Variants in PREX2 observed in about 807,000 individuals in gnomAD.
PREX2 encodes phosphatidylinositol 3,4,5-trisphosphate-dependent Rac exchanger 2 protein.
In PREX2, 107 loss-of-function variants were observed where a neutral mutation model predicts 203.2. The ratio of observed to expected loss-of-function variants is 0.53; its 90% CI spans 0.45 to 0.62. The LOEUF is 0.62. PREX2 is among the 20% of genes least tolerant of loss of function. The pLI, the probability that PREX2 is intolerant of heterozygous loss-of-function variation, is 0.00. For synonymous variants in PREX2, 672 were observed against 663.6 expected (o/e 1.01, Z -0.19); for missense variants, 1,777 against 1,955.9 (o/e 0.91, Z 1.72).
intron 1 of PREX2, among the ~76,000 whole-genome samples, chr8:67,986,598 T>C (rs1806434044): frequency 1.3e-5 from 2 of 152,232 alleles, no homozygotes; most frequent in African/African-American, 4.8e-5. Context: ...GTTTAAGTCA[T>C]AGATTTACAT....
At chr8:68,122,856 A>G (rs1055299958) in intron 30 of PREX2, among the ~76,000 whole-genome samples, 10 of 151,878 alleles carry the variant, frequency 6.6e-5, no homozygotes, top group African/African-American at 1.9e-4. Flanking sequence ...TGATTGTGTT[A>G]TTGTCTGAGA....
At chr8:68,217,829 C>A in intron 38 of PREX2, 111 bp downstream of exon 38, 1 of 645,536 alleles carries the variant, frequency 1.5e-6, no homozygotes, top group Non-Finnish European at 2.4e-6. Context: ...GGACAGTTTA[C>A]TAGGCTCAGA....
chr8:68,068,831 A>G (rs1386006907), intron 11 of PREX2, among the ~76,000 whole-genome samples: 2 of 116,662 alleles, frequency 1.7e-5, no homozygotes, highest in Admixed American at 8.4e-5. Flanking sequence ...TTATATGGAA[A>G]CTGTAATATT....
chr8:68,174,953 G>T (rs557610285), intron 35 of PREX2, among the ~76,000 whole-genome samples: 1 of 152,180 alleles, frequency 6.6e-6, no homozygotes, highest in African/African-American at 2.4e-5. Context: ...GTATGCAAGC[G>T]CAGGAATGTG....
intron 35 of PREX2, among the ~76,000 whole-genome samples, chr8:68,179,320 G>A (rs1008628914): frequency 5.9e-5 from 9 of 152,142 alleles, no homozygotes; most frequent in Admixed American, 2.6e-4. Flanking sequence ...CAATGAGCTA[G>A]GGGACATAGG....
intron 1 of PREX2, among the ~76,000 whole-genome samples, chr8:68,002,063 T>C (rs1585694819): frequency 1.3e-5 from 2 of 149,476 alleles, no homozygotes; most frequent in South Asian, 2.2e-4. Flanking sequence ...AACCTGCATA[T>C]GTACCCTTGA....
intron 35 of PREX2, among the ~76,000 whole-genome samples, chr8:68,162,864 C>T (rs1186508611): frequency 6.6e-6 from 1 of 152,150 alleles, no homozygotes; most frequent in Non-Finnish European, 1.5e-5. Flanking sequence ...GACATAAGCT[C>T]ACAGACAAAT....
At chr8:67,958,861 C>T (rs748554493) in intron 1 of PREX2, among the ~76,000 whole-genome samples, 71 of 152,082 alleles carry the variant, frequency 4.7e-4, no homozygotes, top group Non-Finnish European at 5.9e-4. Flanking sequence ...GGGGACAGAA[C>T]AGCACTAGGA....
rs764986560 is a variant in PREX2, at chr8:68,192,371, C to T, written c.4450C>T (p.Arg1484Ter). Residue 1484 changes from arginine (R) to a stop codon, truncating the protein, a stop_gained, in exon 37 of 40, where the codon CGA becomes TGA. Coordinates refer to ENST00000288368, the MANE Select transcript of PREX2 (RefSeq NM_024870.4). LOFTEE classifies it high-confidence loss of function. Reference sequence around the variant, plus strand: ...TCTCAACGCTTTGGATGAACTTTACCGACTGGTAGCCTCGTTTATCAGATC... The same window carrying T: ...TCTCAACGCTTTGGATGAACTTTACTGACTGGTAGCCTCGTTTATCAGATC... ...RPLNALDELY[R>*]LVASFIRSKR... The T allele has an allele frequency of 6.2e-6, 10 of 1,610,104 alleles. No homozygotes were observed. The highest frequency in any genetic ancestry group is 1.3e-5 in the African/African-American group (1 of 74,838).
intron 4 of PREX2, among the ~76,000 whole-genome samples, chr8:68,026,460 G>A (rs1361136918): frequency 6.6e-6 from 1 of 152,082 alleles, no homozygotes; most frequent in Non-Finnish European, 1.5e-5. Context: ...GCAGAAAGAA[G>A]GTTTGGGCAA....
intron 30 of PREX2, 36 bp from the exon 31 acceptor site, chr8:68,127,342 G>T (rs975817512): frequency 1.6e-5 from 24 of 1,521,454 alleles, no homozygotes; most frequent in Non-Finnish European, 2.1e-5. Context: ...GACAGAAAGA[G>T]TGAACAATTA....
chr8:68,041,131 A>G (rs931575515), intron 7 of PREX2, among the ~76,000 whole-genome samples: 13 of 152,118 alleles, frequency 8.5e-5, no homozygotes, highest in African/African-American at 2.9e-4. Context: ...AATGGTACCA[A>G]TGGGTTCATT....
intron 35 of PREX2, among the ~76,000 whole-genome samples, chr8:68,182,665 G>T (rs117770396): frequency 1.2e-4 from 18 of 151,924 alleles, no homozygotes; most frequent in Non-Finnish European, 2.1e-4. Flanking sequence ...TAGCTCTCAT[G>T]AAATAAAGTT....
At chr8:68,025,229 TA>T (rs1156255255) in intron 4 of PREX2, among the ~76,000 whole-genome samples, 1 of 151,976 alleles carries the variant, frequency 6.6e-6, no homozygotes, top group Non-Finnish European at 1.5e-5. Context: ...CGAATGTCTT[TA>T]TTTTGCCTTC....
intron 17 of PREX2, chr8:68,082,418 A>G (rs61356957): frequency 0.53 from 81,148 of 152,112 alleles, 21,651 homozygotes; most frequent in South Asian, 0.56. Flanking sequence ...AGCTTTCTGT[A>G]CAGCACACTA....
At position 68,053,085 on chromosome 8, in the gene PREX2, A is replaced by G. The variant is rs889983989; in HGVS notation, c.944-12A>G. On this transcript the variant is annotated splice_polypyrimidine_tract_variant and intron_variant, in intron 8 of 39. Transcript: ENST00000288368. Reference sequence around the variant, plus strand: ...ACATTTTGTTCATTTGCCTTTACCCATTAATTTACAGCTGATTTCCATAGC... The same window carrying G: ...ACATTTTGTTCATTTGCCTTTACCCGTTAATTTACAGCTGATTTCCATAGC... 1.2e-5 allele frequency: 20 copies of G among 1,609,634 alleles called. No homozygotes were observed. The highest frequency in any genetic ancestry group is 3.4e-5 in the Admixed American group (2 of 59,662).
chr8:68,068,878 A>G (rs1809100467), intron 11 of PREX2, among the ~76,000 whole-genome samples, 155 bp from the exon 12 acceptor site: 1 of 152,096 alleles, frequency 6.6e-6, no homozygotes, highest in African/African-American at 2.4e-5. Flanking sequence ...TGCTGTTAAA[A>G]TACTCAATTG....
At chr8:67,996,576 C>G (rs1406419431) in intron 1 of PREX2, among the ~76,000 whole-genome samples, 1 of 151,986 alleles carries the variant, frequency 6.6e-6, no homozygotes, top group Admixed American at 6.6e-5. Flanking sequence ...ATATTGCTTC[C>G]CTGTCTTTGG....
At chr8:68,089,252 A>G (rs1014408402) in intron 19 of PREX2, among the ~76,000 whole-genome samples, 1 of 151,482 alleles carries the variant, frequency 6.6e-6, no homozygotes, top group African/African-American at 2.4e-5. Context: ...GTGTCTCCCA[A>G]TTGACTGTCT....
Sources: allele counts gnomAD v4.1 joint callset (sites outside exome capture counted in the v4.1 genomes callset), GRCh38; gene constraint gnomAD v4.1.1; transcripts MANE v1.5; gene names NCBI Gene and HGNC (gene_info 2026-07-23, HGNC 2026-07-21).